Variants in AQP9 observed in about 807,000 individuals in gnomAD.
AQP9 encodes aquaporin 9.
In AQP9, 19 loss-of-function variants were observed where a neutral mutation model predicts 23.8. The observed-to-expected ratio is 0.80, with a 90% CI of 0.56 to 1.17. The LOEUF (loss-of-function observed/expected upper bound fraction) is 1.17, where lower values mean the gene tolerates loss of function less well. Ranked by LOEUF, AQP9 falls within the 50% of genes most tolerant of loss-of-function variation. The pLI is 0.00. For synonymous variants in AQP9, 153 were observed against 131.5 expected (o/e 1.16, Z -1.12); for missense variants, 413 against 362.0 (o/e 1.14, Z -1.14).
intron 1 of AQP9, among the ~76,000 whole-genome samples, chr15:58,150,055 C>A (rs571400806): frequency 6.6e-6 from 1 of 152,192 alleles, no homozygotes; most frequent in African/African-American, 2.4e-5. Context: ...TCTTCCCAGA[C>A]CTTAAGACAG....
rs1355503224 is a variant in AQP9, at chr15:58,179,215, G to A, written c.583G>A (p.Ala195Thr). ...LGAPRGLEPI[A>T]IGLLIIVIAS... Reference sequence around the variant, plus strand: ...AGCCCCCAGAGGCCTAGAGCCCATTGCCATCGGCCTCCTGATTATTGTCAT... The same window carrying A: ...AGCCCCCAGAGGCCTAGAGCCCATTACCATCGGCCTCCTGATTATTGTCAT... Residue 195 changes from alanine (A) to threonine (T), a missense_variant, in exon 5 of 6, where the codon GCC becomes ACC. Coordinates refer to ENST00000219919, the MANE Select transcript of AQP9 (RefSeq NM_020980.5). 1.2e-6 allele frequency: 2 copies of A among 1,614,106 alleles called. No homozygotes were observed. Among genetic ancestry groups the A allele is most frequent in the Non-Finnish European group, 1.7e-6 (2 of 1,179,964 alleles).
chr15:58,138,779 G>A (rs1230064075), intron 1 of AQP9, 103 bp downstream of exon 1: 4 of 947,360 alleles, frequency 4.2e-6, no homozygotes, highest in Non-Finnish European at 4.9e-6. Flanking sequence ...TAAGTTAATT[G>A]GGATCAGATT....
chr15:58,179,462 C>A, intron 5 of AQP9, 117 bp downstream of exon 5: 2 of 828,816 alleles, frequency 2.4e-6, no homozygotes, highest in Non-Finnish European at 3.8e-6. Flanking sequence ...GTTAACTGCA[C>A]ACTCTGGTCA....
chr15:58,167,558 G>T (rs142669315), intron 2 of AQP9, among the ~76,000 whole-genome samples: 1 of 152,138 alleles, frequency 6.6e-6, no homozygotes, highest in Non-Finnish European at 1.5e-5. Context: ...ACTCTGAGGC[G>T]GGTATTACTG....
rs138613134 is a variant in AQP9, at chr15:58,173,016, G to C, written c.239-52G>C. ...ACCTGAGGTCTCTAGATGGTTTTCT[G>C]TATATTCTTCTTCCTAACCTGCCCT... On this transcript the variant is annotated intron_variant, in intron 2 of 5. Coordinates refer to ENST00000219919, the MANE Select transcript of AQP9 (RefSeq NM_020980.5). 1.4e-4 allele frequency: 232 copies of C among 1,609,692 alleles called. No homozygotes were observed. The African/African-American group carries it at 2.5e-3, about 18-fold the overall frequency.
At chr15:58,169,393 T>C (rs1898574111) in intron 2 of AQP9, among the ~76,000 whole-genome samples, 1 of 152,212 alleles carries the variant, frequency 6.6e-6, no homozygotes, top group Admixed American at 6.5e-5. Flanking sequence ...GACTGGTGGC[T>C]TTGGGAACAT....
At chr15:58,138,924 CTTCT>C (rs555125838) in intron 1 of AQP9, 59 of 396,710 alleles carry the variant, frequency 1.5e-4, no homozygotes, top group South Asian at 1.5e-3. Context: ...AGTGAAGTGC[CTTCT>C]TTATTTCAGG....
At chr15:58,178,383 A>T (rs1308417617) in intron 4 of AQP9, among the ~76,000 whole-genome samples, 6 of 152,246 alleles carry the variant, frequency 3.9e-5, no homozygotes, top group African/African-American at 1.4e-4. Flanking sequence ...GTTTTTCAGT[A>T]CTATAAATTT....
At chr15:58,163,882 G>T (rs1898441393) in intron 1 of AQP9, 1 of 152,254 alleles carries the variant, frequency 6.6e-6, no homozygotes, top group African/African-American at 2.4e-5. Context: ...AATGCCAATG[G>T]TCTGCTGTCC....
intron 1 of AQP9, chr15:58,156,203 T>C (rs1290264388): frequency 2.0e-5 from 3 of 152,306 alleles, no homozygotes; most frequent in South Asian, 2.1e-4. Context: ...CTACTCCTTG[T>C]ACGTTTTTCA....
In AQP9 at chr15:58,139,551, G is replaced by A. The variant is rs192083794; in HGVS notation, c.111+875G>A. Among the ~76,000 whole-genome samples the A allele has an allele frequency of 3.0e-3, 451 of 152,280 alleles. 1 individual carries two copies. The highest frequency in any genetic ancestry group is 0.01 in the African/African-American group (432 of 41,544). On this transcript the variant is annotated intron_variant, in intron 1 of 5. Coordinates refer to ENST00000219919, the MANE Select transcript of AQP9 (RefSeq NM_020980.5). ...ACTGGTTTTTTTTATCCTGCTTAAG[G>A]ATTTCCTACTCCAGGTATAAATAAT...
At chr15:58,141,869 A>G (rs1023221612) in intron 1 of AQP9, among the ~76,000 whole-genome samples, 1 of 152,238 alleles carries the variant, frequency 6.6e-6, no homozygotes, top group Non-Finnish European at 1.5e-5. Context: ...AGACAAAAGA[A>G]TCTATGGTCA....
At chr15:58,158,640 G>A (rs190924825) in intron 1 of AQP9, among the ~76,000 whole-genome samples, 13 of 152,204 alleles carry the variant, frequency 8.5e-5, no homozygotes, top group Admixed American at 2.6e-4. Context: ...ATTCCAAAGC[G>A]CATGACAATC....
chr15:58,150,035 A>C (rs551452400), intron 1 of AQP9, among the ~76,000 whole-genome samples: 1 of 152,332 alleles, frequency 6.6e-6, no homozygotes, highest in East Asian at 1.9e-4. Context: ...CCAAAAGCTT[A>C]ATGGTTTCCT....
At chr15:58,152,540 G>C (rs1401012053) in intron 1 of AQP9, 4 of 152,100 alleles carry the variant, frequency 2.6e-5, no homozygotes, top group Non-Finnish European at 2.9e-5. Flanking sequence ...ACATTAGATT[G>C]TGGATCTAAT....
intron 1 of AQP9, among the ~76,000 whole-genome samples, chr15:58,140,504 T>G (rs1897933417): frequency 1.3e-5 from 2 of 152,358 alleles, no homozygotes; most frequent in South Asian, 4.1e-4. Flanking sequence ...TCTGCAACCT[T>G]GATTATCATC....
chr15:58,159,247 C>T (rs1898323411), intron 1 of AQP9, among the ~76,000 whole-genome samples: 1 of 152,054 alleles, frequency 6.6e-6, no homozygotes, highest in Non-Finnish European at 1.5e-5. Context: ...ATACCTCCCA[C>T]TTTTCACATT....
At chr15:58,176,783 G>T (rs1209350757) in intron 4 of AQP9, among the ~76,000 whole-genome samples, 1 of 151,862 alleles carries the variant, frequency 6.6e-6, no homozygotes, top group East Asian at 1.9e-4. Flanking sequence ...GCTAATTTTT[G>T]TATTTTTAGT....
rs753071847 is a variant in AQP9 at position 58,173,068 on chromosome 15, G to T, written c.239G>T (p.Gly80Val). Residue 80 changes from glycine (G) to valine (V), a missense_variant and splice_region_variant, in exon 3 of 6, where the codon GGT becomes GTT. Gly to Val is a moderately radical substitution (Grantham distance 109). Coordinates refer to ENST00000219919, the MANE Select transcript of AQP9 (RefSeq NM_020980.5). ...MAIYVAGGVSGGHINPAVSLA... is the reference protein window; with the variant it reads ...MAIYVAGGVSVGHINPAVSLA... ...TCACTTCTCCAATCTTCCCTTGCAGGTGGTCACATCAACCCAGCTGTGTCT... is the reference window on the plus strand; with the variant it reads ...TCACTTCTCCAATCTTCCCTTGCAGTTGGTCACATCAACCCAGCTGTGTCT... 2.5e-6 allele frequency: 4 copies of T among 1,613,856 alleles called. No homozygotes were observed. The Admixed American group carries it at 6.7e-5, about 27-fold the overall frequency.
Sources: gnomAD v4.1 joint callset for allele counts (sites outside exome capture counted in the v4.1 genomes callset) on GRCh38, gnomAD v4.1.1 for gene constraint, MANE v1.5 for transcripts, NCBI Gene and HGNC (gene_info 2026-07-23, HGNC 2026-07-21) for gene names.